Variants in RIMOC1 observed in about 807,000 individuals in gnomAD.
RIMOC1 encodes RAB7A interacting MON1-CCZ1 complex subunit 1, also known as RAB7A-interacting MON1-CCZ1 complex subunit 1.
the RIMOC1 span, chr5:41,907,873 T>C: frequency 7.4e-7 from 1 of 1,355,328 alleles, no homozygotes; most frequent in African/African-American, 1.4e-5. Flanking sequence ...TCTGGCATTT[T>C]ATGAGGGCAG....
At chr5:41,904,529 T>A in the RIMOC1 span, 1 of 1,482,316 alleles carries the variant, frequency 6.7e-7, no homozygotes, top group Non-Finnish European at 9.3e-7. Context: ...TGGCGCTCGA[T>A]GGCTGTGAGG....
At chr5:41,911,229 C>G in the RIMOC1 span, 2 of 1,550,980 alleles carry the variant, frequency 1.3e-6, no homozygotes, top group Non-Finnish European at 1.7e-6. Context: ...TTAGAGGTTT[C>G]AAAAAGCTGT....
the RIMOC1 span, chr5:41,907,682 T>G: frequency 8.9e-7 from 1 of 1,119,800 alleles, no homozygotes; most frequent in Non-Finnish European, 1.3e-6. Context: ...GTTTTTTGTT[T>G]AAATAACACT....
At chr5:41,906,398 CT>C in the RIMOC1 span, among the ~76,000 whole-genome samples, 3 of 152,136 alleles carry the variant, frequency 2.0e-5, no homozygotes, top group African/African-American at 7.2e-5. Flanking sequence ...CACCACACCC[CT>C]GCCACAGTAA....
the RIMOC1 span, chr5:41,910,928 A>G: frequency 8.7e-7 from 1 of 1,150,926 alleles, no homozygotes; most frequent in East Asian, 2.5e-5. Flanking sequence ...AAGCAGCTAA[A>G]CAAAGGGAAC....
chr5:41,907,668 ATG>A, the RIMOC1 span: 4 of 838,882 alleles, frequency 4.8e-6, no homozygotes, highest in Middle Eastern at 2.7e-4. Flanking sequence ...TTCATACATA[ATG>A]TGTTTTTTGT....
chr5:41,912,142 T>C, the RIMOC1 span: 1 of 1,611,118 alleles, frequency 6.2e-7, no homozygotes, highest in South Asian at 1.1e-5. Context: ...AATGAAGGAG[T>C]TTCTTTCCAA....
At chr5:41,905,214 CAGT>C in the RIMOC1 span, among the ~76,000 whole-genome samples, 1 of 152,160 alleles carries the variant, frequency 6.6e-6, no homozygotes, top group African/African-American at 2.4e-5. Flanking sequence ...CATAGGAAAA[CAGT>C]GGTGGAACAT....
chr5:41,909,978 G>A, the RIMOC1 span: 1 of 1,092,108 alleles, frequency 9.2e-7, no homozygotes, highest in Non-Finnish European at 1.3e-6. Flanking sequence ...TTTTCTTCTT[G>A]ATTGTATCTT....
At chr5:41,918,414 T>A in the RIMOC1 span, 4 of 985,666 alleles carry the variant, frequency 4.1e-6, no homozygotes, top group Non-Finnish European at 4.8e-6. Flanking sequence ...CCCTTCCTCC[T>A]AAACTGTCAG....
chr5:41,917,376 C>T, the RIMOC1 span: 1 of 1,473,588 alleles, frequency 6.8e-7, no homozygotes, highest in South Asian at 1.5e-5. Context: ...AAAAAGAAGA[C>T]CTGTTGATAC....
chr5:41,918,531 G>A, the RIMOC1 span: 1 of 985,138 alleles, frequency 1.0e-6, no homozygotes, highest in Non-Finnish European at 1.2e-6. Context: ...TAGTCCTTTG[G>A]CAAGCCCTCA....
the RIMOC1 span, chr5:41,908,278 CT>C: frequency 0.37 from 55,432 of 150,618 alleles, 12,924 homozygotes; most frequent in African/African-American, 0.67. Flanking sequence ...TATTCACCCA[CT>C]TTTTTTTTTA....
At chr5:41,911,265 G>C in the RIMOC1 span, 7 of 1,225,900 alleles carry the variant, frequency 5.7e-6, no homozygotes, top group Non-Finnish European at 6.7e-6. Context: ...AAGAGTAGTG[G>C]ATCAAAGGGT....
the RIMOC1 span, chr5:41,919,963 T>C: frequency 6.6e-6 from 1 of 152,204 alleles, no homozygotes; most frequent in Non-Finnish European, 1.5e-5. Context: ...TTTGAATTAA[T>C]GAGGCATGAT....
At chr5:41,905,817 G>T in the RIMOC1 span, among the ~76,000 whole-genome samples, 2 of 152,172 alleles carry the variant, frequency 1.3e-5, no homozygotes, top group South Asian at 4.1e-4. Context: ...ATGAATCAGA[G>T]CTGGAAATAA....
chr5:41,907,467 A>G, the RIMOC1 span, among the ~76,000 whole-genome samples: 1 of 152,178 alleles, frequency 6.6e-6, no homozygotes, highest in Non-Finnish European at 1.5e-5. Context: ...GAGAATACAG[A>G]CTGCATTTAA....
At chr5:41,907,717 A>C in the RIMOC1 span, 2 of 1,498,550 alleles carry the variant, frequency 1.3e-6, no homozygotes, top group Non-Finnish European at 9.2e-7. Context: ...AGTAATCCTC[A>C]TGTTTTTATT....
At chr5:41,917,036 C>T in the RIMOC1 span, 4 of 1,592,914 alleles carry the variant, frequency 2.5e-6, no homozygotes, top group East Asian at 4.5e-5. Context: ...TGACATTCAT[C>T]TGCTGGCTAT....
Sources: gnomAD v4.1 joint callset for allele counts (sites outside exome capture counted in the v4.1 genomes callset) on GRCh38, gnomAD v4.1.1 for gene constraint, MANE v1.5 for transcripts, NCBI Gene and HGNC (gene_info 2026-07-23, HGNC 2026-07-21) for gene names.